Variants in PPP2R2B observed in about 807,000 individuals in gnomAD.
The protein encoded by PPP2R2B is protein phosphatase 2 regulatory subunit Bbeta.
Under a neutral mutation model 46.0 loss-of-function variants are expected in PPP2R2B, and 5 were observed. That is an observed-to-expected ratio of 0.11 (90% CI 0.06 to 0.23). The LOEUF (loss-of-function observed/expected upper bound fraction) is 0.23, where lower values mean the gene tolerates loss of function less well. Among genes scored for constraint, PPP2R2B ranks in the 10% least tolerant of loss-of-function variants. PPP2R2B has a pLI of 1.00. For synonymous variants in PPP2R2B, 215 were observed against 206.7 expected (o/e 1.04, Z -0.34); for missense variants, 367 against 575.0 (o/e 0.64, Z 3.70).
chr5:146,878,464 T>C lies in PPP2R2B; in HGVS notation c.-125+127A>G. On this transcript the variant is annotated intron_variant, in intron 1 of 9. Transcript: ENST00000394411. The surrounding 1 kb of genome is among the most constrained non-coding windows in gnomAD (Gnocchi z 4.5). ...GAGATGCCCAACAGGTTCCCCTCCT[T>C]GGCAGCCGCTCCAAAATGCAAAAAA... The C allele has an allele frequency of 7.3e-7, 1 of 1,364,276 alleles. No individual in the cohort carries two copies. The allele number at this position is 1,364,276 out of a possible 1,614,324, so 84.5% of individuals were successfully genotyped here.
upstream of PPP2R2B, among the ~76,000 whole-genome samples, chr5:146,879,806 G>C (rs319210): frequency 0.039 from 5,939 of 152,224 alleles, 399 homozygotes; most frequent in African/African-American, 0.13. Context: ...ACCCCAATCA[G>C]TAGAAAGCCA....
At chr5:146,972,713 AAAAAAC>A (rs1393440886) in intron 1 of PPP2R2B, among the ~76,000 whole-genome samples, 2 of 152,178 alleles carry the variant, frequency 1.3e-5, no homozygotes, top group African/African-American at 2.4e-5. Flanking sequence ...CTCCATCTCA[AAAAAAC>A]AAAAACAAAA....
At position 146,701,117 on chromosome 5, in the gene PPP2R2B, G is replaced by A. The variant is rs1409355088; in HGVS notation, c.96C>T (p.Phe32=). Residue 32 remains phenylalanine (F), a synonymous_variant, in exon 3 of 10, where the codon TTC becomes TTT. Coordinates refer to ENST00000394411, the MANE Select transcript of PPP2R2B (RefSeq NM_181675.4). The part of the protein sequence containing the change: ...TEADIISTVE[F]NHTGELLATG... ...TCGCTAGTAATTCTCCCGTGTGGTT[G>A]AATTCTACCGTAGAGATAATGTCAG... 1 of 1,613,880 alleles carries A rather than the reference G, an allele frequency of 6.2e-7. No individual in the cohort carries two copies. Among genetic ancestry groups the A allele is most frequent in the South Asian group, 1.1e-5 (1 of 91,074 alleles).
At chr5:146,748,117 T>C (rs1331501863) in intron 2 of PPP2R2B, among the ~76,000 whole-genome samples, 1 of 152,210 alleles carries the variant, frequency 6.6e-6, no homozygotes, top group African/African-American at 2.4e-5. Context: ...TCCAGAGCAC[T>C]GTGAGCATGG....
At chr5:146,990,887 A>G (rs1267717073) in intron 1 of PPP2R2B, among the ~76,000 whole-genome samples, 1 of 152,068 alleles carries the variant, frequency 6.6e-6, no homozygotes, top group Non-Finnish European at 1.5e-5. Context: ...AAAACTAAAT[A>G]ATAGGATTAA....
At chr5:147,011,164 T>G (rs1399164640) in intron 1 of PPP2R2B, among the ~76,000 whole-genome samples, 2 of 152,176 alleles carry the variant, frequency 1.3e-5, no homozygotes, top group African/African-American at 2.4e-5. Context: ...TGGCCTTTGA[T>G]TTTGTTCTTC....
intron 2 of PPP2R2B, among the ~76,000 whole-genome samples, chr5:147,071,056 T>C (rs572480176): frequency 1.6e-4 from 25 of 152,052 alleles, no homozygotes; most frequent in Non-Finnish European, 2.9e-4. Context: ...AGAAATTTTC[T>C]AGGGATATCT....
intron 2 of PPP2R2B, among the ~76,000 whole-genome samples, chr5:146,704,387 A>G (rs1222344675): frequency 3.9e-5 from 6 of 152,240 alleles, no homozygotes; most frequent in South Asian, 2.1e-4. Context: ...ACAGAAATCA[A>G]TTCATCAAGT....
At chr5:147,019,192 T>G (rs889074084) in intron 1 of PPP2R2B, among the ~76,000 whole-genome samples, 5 of 152,202 alleles carry the variant, frequency 3.3e-5, no homozygotes, top group African/African-American at 1.2e-4. Context: ...CTGTGCACTG[T>G]TGATTTCAAT....
chr5:146,791,294 T>C (rs1756185995), intron 2 of PPP2R2B, among the ~76,000 whole-genome samples: 1 of 152,224 alleles, frequency 6.6e-6, no homozygotes, highest in Admixed American at 6.5e-5. Context: ...TATTCTGAGA[T>C]ATTTTGCCAA....
intron 2 of PPP2R2B, among the ~76,000 whole-genome samples, chr5:146,715,144 C>T (rs188184022): frequency 2.4e-4 from 37 of 152,314 alleles, no homozygotes; most frequent in African/African-American, 8.9e-4. Flanking sequence ...CATCCTTTCC[C>T]TGTGCAAGAT....
chr5:146,947,909 C>T (rs1764534406), intron 1 of PPP2R2B, among the ~76,000 whole-genome samples: 1 of 151,698 alleles, frequency 6.6e-6, no homozygotes, highest in African/African-American at 2.4e-5. Context: ...CACTAATCAC[C>T]TTTCATGTTC....
At chr5:146,716,025 G>T (rs144153203) in intron 2 of PPP2R2B, among the ~76,000 whole-genome samples, 1 of 152,036 alleles carries the variant, frequency 6.6e-6, no homozygotes, top group East Asian at 1.9e-4. Context: ...ATATATTCTT[G>T]TCATTAATTG....
At chr5:146,956,360 C>T (rs1314746461) in intron 1 of PPP2R2B, among the ~76,000 whole-genome samples, 2 of 152,136 alleles carry the variant, frequency 1.3e-5, no homozygotes, top group African/African-American at 4.8e-5. Flanking sequence ...CCTATCTGAT[C>T]CCCAACTATG....
intron 1 of PPP2R2B, among the ~76,000 whole-genome samples, chr5:147,032,566 T>A (rs1045868087): frequency 6.6e-6 from 1 of 152,106 alleles, no homozygotes; most frequent in African/African-American, 2.4e-5. Context: ...TGCCTTTGCA[T>A]CCTCATAGCT....
chr5:146,635,972 C>T (rs201288268), intron 7 of PPP2R2B, among the ~76,000 whole-genome samples: 6 of 152,314 alleles, frequency 3.9e-5, no homozygotes, highest in East Asian at 3.9e-4. Context: ...TCACTTATAA[C>T]ACCCATAGTT....
intron 7 of PPP2R2B, among the ~76,000 whole-genome samples, chr5:146,626,847 A>G (rs1340033593): frequency 2.6e-5 from 4 of 152,214 alleles, no homozygotes; most frequent in Admixed American, 2.6e-4. Flanking sequence ...CTACTAATGA[A>G]TAACACTCAC....
intron 1 of PPP2R2B, among the ~76,000 whole-genome samples, chr5:146,986,834 G>T (rs1370499870): frequency 6.6e-6 from 1 of 151,946 alleles, no homozygotes; most frequent in African/African-American, 2.4e-5. Context: ...AAGAGAAATG[G>T]GTGGAAAGCT....
At chr5:147,068,992 C>G (rs1349147332) in intron 2 of PPP2R2B, among the ~76,000 whole-genome samples, 2 of 152,174 alleles carry the variant, frequency 1.3e-5, no homozygotes, top group East Asian at 3.9e-4. Flanking sequence ...ACAGCTAATA[C>G]AATTATGGAA....
Sources: allele counts gnomAD v4.1 joint callset (sites outside exome capture counted in the v4.1 genomes callset), GRCh38; gene constraint gnomAD v4.1.1; non-coding constraint Gnocchi (gnomAD v3.1); transcripts MANE v1.5; gene names NCBI Gene and HGNC (gene_info 2026-07-23, HGNC 2026-07-21).